The following ZNF184 variants were observed in gnomAD, a reference collection of about 807,000 sequenced individuals.
ZNF184 encodes zinc finger protein 184 (Kruppel-like).
ZNF184 carries 16 observed loss-of-function variants against 54.4 expected under a neutral mutation model. That is an observed-to-expected ratio of 0.29 (90% CI 0.20 to 0.45). The LOEUF (loss-of-function observed/expected upper bound fraction) is 0.45. Among genes scored for constraint, ZNF184 ranks in the 20% least tolerant of loss-of-function variants. The pLI, the probability that ZNF184 is intolerant of heterozygous loss-of-function variation, is 1.00. For synonymous variants in ZNF184, 254 were observed against 295.3 expected (o/e 0.86, Z 1.43); for missense variants, 681 against 888.2 (o/e 0.77, Z 2.97).
chr6:27,467,931 A>C lies in ZNF184; in HGVS notation c.8-11T>G, dbSNP rs1271201530. The C allele has an allele frequency of 6.3e-7, 1 of 1,579,534 alleles. No individual in the cohort carries two copies. Among genetic ancestry groups the C allele is most frequent in the Non-Finnish European group, 8.6e-7 (1 of 1,162,340 alleles). On this transcript the variant is annotated splice_polypyrimidine_tract_variant and intron_variant, in intron 2 of 5. Coordinates refer to ENST00000683788, the MANE Select transcript of ZNF184 (RefSeq NM_001318891.2). Reference sequence around the variant, plus strand: ...CTGGAGAGGACAGATCTAGGGGGAGAAGCAGGAGCCATATGACTTCTGTTC... The same window carrying C: ...CTGGAGAGGACAGATCTAGGGGGAGCAGCAGGAGCCATATGACTTCTGTTC...
chr6:27,471,129 G>C (rs1763264369), intron 2 of ZNF184, among the ~76,000 whole-genome samples: 1 of 152,160 alleles, frequency 6.6e-6, no homozygotes, highest in African/African-American at 2.4e-5. Flanking sequence ...CAACACCAAT[G>C]CAGAGAGAAC....
the ZNF184 span, among the ~76,000 whole-genome samples, chr6:27,430,859 C>T: frequency 2.0e-5 from 3 of 152,264 alleles, no homozygotes; most frequent in Admixed American, 6.5e-5. Context: ...TCGCGTCCCA[C>T]TGACCTTTGT....
At position 27,472,680 on chromosome 6, in the gene ZNF184, C is replaced by T. The variant is rs969569993; in HGVS notation, c.-140+49G>A. The T allele has an allele frequency of 4.6e-6, 1 of 215,362 alleles. No homozygotes were observed. Among genetic ancestry groups the T allele is most frequent in the Non-Finnish European group, 9.4e-6 (1 of 106,070 alleles). The allele number at this position is 215,362 out of a possible 1,614,324, so 13.3% of individuals were successfully genotyped here. A position where few individuals can be genotyped will look rare whatever the true frequency, so the allele number is the denominator to read the frequency against. The stretch of plus-strand genomic sequence containing the variant: ...ACAGACCTGGTGTGTTCCCTCTGTG[C>T]ACACTTGTGACTCACACCCCTGCGA... On this transcript the variant is annotated intron_variant, in intron 1 of 5. Coordinates refer to ENST00000683788, the MANE Select transcript of ZNF184 (RefSeq NM_001318891.2). This position sits in a 1 kb window ranked among gnomAD's most constrained non-coding sequence, Gnocchi z 4.8.
At chr6:27,422,221 G>GAAAGAAAGAAAGAAAGA in the ZNF184 span, among the ~76,000 whole-genome samples, 2 of 126,536 alleles carry the variant, frequency 1.6e-5, no homozygotes. Flanking sequence ...AGAAAGAAAA[G>GAAAGAAAGAAAGAAAGA]AAAAGAAATT....
the ZNF184 span, among the ~76,000 whole-genome samples, chr6:27,441,490 C>G: frequency 6.6e-6 from 1 of 152,196 alleles, no homozygotes; most frequent in Non-Finnish European, 1.5e-5. Flanking sequence ...GCTGGGATTA[C>G]AGACAAGAGC....
chr6:27,415,112 G>T, the ZNF184 span, among the ~76,000 whole-genome samples: 3 of 152,314 alleles, frequency 2.0e-5, no homozygotes, highest in African/African-American at 7.2e-5. Flanking sequence ...ACAATGGGCT[G>T]GTTGTAATCT....
chr6:27,470,911 T>C (rs1763258797), intron 2 of ZNF184, among the ~76,000 whole-genome samples: 1 of 152,094 alleles, frequency 6.6e-6, no homozygotes. Context: ...TTAGAATATA[T>C]ATATAAAAAA....
At chr6:27,442,334 G>A in the ZNF184 span, among the ~76,000 whole-genome samples, 1 of 152,014 alleles carries the variant, frequency 6.6e-6, no homozygotes, top group East Asian at 1.9e-4. Context: ...TAATAATGGG[G>A]GTCAGCCAAA....
chr6:27,442,713 A>T, the ZNF184 span, among the ~76,000 whole-genome samples: 1 of 83,764 alleles, frequency 1.2e-5, no homozygotes, highest in South Asian at 6.0e-4. Context: ...GAGAGAGAGA[A>T]AGAAGGACGG....
chr6:27,405,632 T>C, the ZNF184 span: 3 of 152,240 alleles, frequency 2.0e-5, no homozygotes, highest in Non-Finnish European at 2.9e-5. Flanking sequence ...TCTAAGTAGG[T>C]GCCCCACTTC....
At chr6:27,415,129 A>T in the ZNF184 span, among the ~76,000 whole-genome samples, 1 of 152,208 alleles carries the variant, frequency 6.6e-6, no homozygotes, top group Non-Finnish European at 1.5e-5. Flanking sequence ...ATCTCAGGCT[A>T]TTGATGAGCT....
the ZNF184 span, among the ~76,000 whole-genome samples, chr6:27,432,538 G>C: frequency 6.6e-6 from 1 of 152,212 alleles, no homozygotes; most frequent in Non-Finnish European, 1.5e-5. This position sits in a 1 kb window ranked among gnomAD's most constrained non-coding sequence, Gnocchi z 4.0. Flanking sequence ...GATCTCAAGA[G>C]ATGATGACAG....
the ZNF184 span, among the ~76,000 whole-genome samples, chr6:27,407,195 A>C: frequency 0.036 from 5,436 of 152,312 alleles, 204 homozygotes; most frequent in African/African-American, 0.095. Flanking sequence ...GGGCAAATAG[A>C]TAACAGAACA....
intron 2 of ZNF184, among the ~76,000 whole-genome samples, chr6:27,469,063 A>C (rs1342590580): frequency 6.6e-6 from 1 of 152,240 alleles, no homozygotes; most frequent in Non-Finnish European, 1.5e-5. Context: ...GTACTGGTTG[A>C]CAGGAAAGCC....
At chr6:27,458,295 T>TAAAAAAAAAAAAA (rs55966783) in intron 3 of ZNF184, among the ~76,000 whole-genome samples, 4 of 62,366 alleles carry the variant, frequency 6.4e-5, no homozygotes, top group East Asian at 4.7e-4. Context: ...TTCTGCACAG[T>TAAAAAAAAAAAAA]AAAAAAAAAA....
At chr6:27,456,778 C>T (rs1168756372) in intron 5 of ZNF184, 48 bp downstream of exon 5, 15 of 1,497,766 alleles carry the variant, frequency 1.0e-5, no homozygotes, top group Non-Finnish European at 1.4e-5. Context: ...TCTTATCAGG[C>T]TGACAGTCGG....
the ZNF184 span, among the ~76,000 whole-genome samples, chr6:27,420,861 G>A: frequency 1.1e-3 from 170 of 152,298 alleles, no homozygotes; most frequent in Admixed American, 3.5e-3. Flanking sequence ...CCTTCAGTAG[G>A]TGAATGTATA....
At chr6:27,407,897 A>T in the ZNF184 span, 3 of 919,036 alleles carry the variant, frequency 3.3e-6, no homozygotes, top group Non-Finnish European at 5.5e-6. Flanking sequence ...TAATGAGTGA[A>T]GATGAGCTGA....
At chr6:27,444,178 T>G in the ZNF184 span, among the ~76,000 whole-genome samples, 1 of 152,134 alleles carries the variant, frequency 6.6e-6, no homozygotes, top group Non-Finnish European at 1.5e-5. Flanking sequence ...CTTCTCATTC[T>G]CAGGTTATGA....
Sources: gnomAD v4.1 joint callset for allele counts (sites outside exome capture counted in the v4.1 genomes callset) on GRCh38, gnomAD v4.1.1 for gene constraint, Gnocchi (gnomAD v3.1) non-coding constraint, MANE v1.5 for transcripts, NCBI Gene and HGNC (gene_info 2026-07-23, HGNC 2026-07-21) for gene names.